Variants in ABHD2 observed in about 807,000 individuals in gnomAD.
ABHD2 encodes abhydrolase domain containing 2, acylglycerol lipase.
Under a neutral mutation model 48.1 loss-of-function variants are expected in ABHD2, and 20 were observed. The observed-to-expected ratio is 0.42, with a 90% CI of 0.29 to 0.60. The LOEUF (loss-of-function observed/expected upper bound fraction) is 0.60, where lower values mean the gene tolerates loss of function less well. Ranked by LOEUF, ABHD2 falls within the 20% of genes least tolerant of loss-of-function variation. The pLI is 0.24. For synonymous variants in ABHD2, 209 were observed against 214.2 expected, an observed-to-expected ratio of 0.98 and a Z score of 0.21; for missense variants, 405 against 550.9, an observed-to-expected ratio of 0.74 and a Z score of 2.65.
chr15:89,117,444 T>C (rs2049979589), intron 3 of ABHD2, among the ~76,000 whole-genome samples: 1 of 152,236 alleles, frequency 6.6e-6, no homozygotes, highest in Non-Finnish European at 1.5e-5. Context: ...AGAGATGCAG[T>C]GTTCACTTTT....
the ABHD2 span, among the ~76,000 whole-genome samples, chr15:89,057,439 GA>G: frequency 6.6e-6 from 1 of 152,220 alleles, no homozygotes; most frequent in African/African-American, 2.4e-5. Context: ...TGACCACTGG[GA>G]AGTTGGGGAC....
At chr15:89,128,765 G>A (rs145320983) in intron 3 of ABHD2, among the ~76,000 whole-genome samples, 8 of 152,242 alleles carry the variant, frequency 5.3e-5, no homozygotes, top group African/African-American at 1.7e-4. Flanking sequence ...CTGTTTGATT[G>A]TAGCAGAGAG....
Position 89,155,547 on chromosome 15 carries a change from A to G in ABHD2, c.538+13A>G, listed in dbSNP as rs563521593. ...ATGTTCACCTATGGTAAGCATGGCT[A>G]AGTGGAGTCCTCCCTTTTTCTGCAA... On this transcript the variant is annotated intron_variant, in intron 5 of 10. Coordinates refer to ENST00000352732, the MANE Select transcript of ABHD2 (RefSeq NM_152924.5). The surrounding 1 kb of genome is among the most constrained non-coding windows in gnomAD (Gnocchi z 4.9). 320 of 1,601,170 alleles carry G rather than the reference A, an allele frequency of 2.0e-4. 7 individuals carry two copies. In the South Asian group the frequency reaches 3.5e-3, roughly 17 times the overall value.
rs1412347200 is a variant in ABHD2 at position 89,186,975 on chromosome 15, T to G, written c.816-1218T>G. Among the ~76,000 whole-genome samples the G allele has an allele frequency of 6.6e-6, 1 of 152,234 alleles. No individual in the cohort carries two copies. The highest frequency in any genetic ancestry group is 1.5e-5 in the Non-Finnish European group (1 of 68,030). On this transcript the variant is annotated intron_variant, in intron 7 of 10. Coordinates refer to ENST00000352732, the MANE Select transcript of ABHD2 (RefSeq NM_152924.5). This position sits in a 1 kb window ranked among gnomAD's most constrained non-coding sequence, Gnocchi z 4.3. ...AGAGGGAGACTTATGTCCCCTGTGC[T>G]GGCTGGAAAATCAGCTGTTCCCACT...
At chr15:89,044,623 G>A in the ABHD2 span, among the ~76,000 whole-genome samples, 4 of 151,318 alleles carry the variant, frequency 2.6e-5, no homozygotes, top group African/African-American at 9.7e-5. Flanking sequence ...GTATCTCATT[G>A]TGGTTTTGAT....
At chr15:89,194,877 C>T (rs1159084213) in intron 10 of ABHD2, among the ~76,000 whole-genome samples, 1 of 152,182 alleles carries the variant, frequency 6.6e-6, no homozygotes, top group Non-Finnish European at 1.5e-5. Flanking sequence ...CACCTCCCAC[C>T]CCCAGAGATT....
chr15:89,170,574 G>A (rs2050909279), intron 5 of ABHD2, among the ~76,000 whole-genome samples: 1 of 152,100 alleles, frequency 6.6e-6, no homozygotes, highest in Non-Finnish European at 1.5e-5. Context: ...AGAATTACTA[G>A]ACCAAAGGTT....
the ABHD2 span, among the ~76,000 whole-genome samples, chr15:89,065,072 T>C: frequency 6.6e-6 from 1 of 152,180 alleles, no homozygotes; most frequent in Admixed American, 6.5e-5. Flanking sequence ...GTAAGTCTAC[T>C]GGATAAAAGA....
At chr15:89,161,648 A>G (rs2050764171) in intron 5 of ABHD2, among the ~76,000 whole-genome samples, 1 of 152,082 alleles carries the variant, frequency 6.6e-6, no homozygotes, top group Non-Finnish European at 1.5e-5. Context: ...TGATCCGCCC[A>G]CCTCGGCCTC....
chr15:89,180,059 T>C (rs2051082619), intron 6 of ABHD2, among the ~76,000 whole-genome samples: 1 of 152,252 alleles, frequency 6.6e-6, no homozygotes, highest in African/African-American at 2.4e-5. Flanking sequence ...TAAAATTTGT[T>C]TTTATAGTTG....
At chr15:89,192,831 G>A (rs1361392230) in intron 9 of ABHD2, among the ~76,000 whole-genome samples, 2 of 152,276 alleles carry the variant, frequency 1.3e-5, no homozygotes, top group African/African-American at 4.8e-5. Flanking sequence ...TTACAGGCAC[G>A]AACCACTGTG....
chr15:89,062,967 CTT>C, the ABHD2 span, among the ~76,000 whole-genome samples: 12 of 129,342 alleles, frequency 9.3e-5, no homozygotes, highest in African/African-American at 8.8e-5. Flanking sequence ...ATTGCTGCTG[CTT>C]TTTTTTTTTT....
the ABHD2 span, among the ~76,000 whole-genome samples, chr15:89,057,094 T>A: frequency 6.6e-6 from 1 of 151,996 alleles, no homozygotes; most frequent in South Asian, 2.1e-4. Context: ...TTTGTATTTT[T>A]AGTAGAAATG....
In ABHD2 at chr15:89,201,450, A is replaced by C. The variant is rs114400366; in HGVS notation, c.*6027A>C. On this transcript the variant is annotated 3_prime_UTR_variant, in exon 11 of 11. Transcript: ENST00000352732. ...ATCTCCATTTGGAATCCATTAATTC[A>C]TGAGGTTTTGCCTCATTCCACACAG... 1.4e-3 allele frequency: 1,922 copies of C among 1,389,338 alleles called. 26 individuals are homozygous for C. In the African/African-American group the frequency reaches 0.025, roughly 18 times the overall value. The allele number at this position is 1,389,338 out of a possible 1,614,324, so 86.1% of individuals were successfully genotyped here.
At chr15:89,061,776 G>C in the ABHD2 span, among the ~76,000 whole-genome samples, 1 of 152,088 alleles carries the variant, frequency 6.6e-6, no homozygotes. Flanking sequence ...GTTTTGCCAT[G>C]TTGCCCAGGC....
Position 89,176,010 on chromosome 15 carries a change from C to T in ABHD2, c.722+15C>T. On this transcript the variant is annotated intron_variant, in intron 6 of 10. Coordinates refer to ENST00000352732, the MANE Select transcript of ABHD2 (RefSeq NM_152924.5). The surrounding 1 kb of genome is among the most constrained non-coding windows in gnomAD (Gnocchi z 4.5). The stretch of plus-strand genomic sequence containing the variant: ...AGTGCACTGAGGTGAGTCATCTCCG[C>T]CTTCCATCAGGGCCTTCAGTTAGCC... 1.3e-6 allele frequency: 2 copies of T among 1,581,136 alleles called. No homozygotes were observed. Among genetic ancestry groups the T allele is most frequent in the South Asian group, 2.3e-5 (2 of 88,094 alleles).
At chr15:89,051,058 C>A in the ABHD2 span, among the ~76,000 whole-genome samples, 1 of 152,286 alleles carries the variant, frequency 6.6e-6, no homozygotes, top group East Asian at 1.9e-4. Flanking sequence ...CATGGCGAAA[C>A]CCCATCTCTA....
chr15:89,136,869 T>G (rs960233086), intron 3 of ABHD2, among the ~76,000 whole-genome samples: 13 of 152,208 alleles, frequency 8.5e-5, no homozygotes, highest in Non-Finnish European at 1.0e-4. Flanking sequence ...GGCACTGTGT[T>G]GGACAAAGAG....
chr15:89,108,816 A>G (rs1190482520), intron 1 of ABHD2, among the ~76,000 whole-genome samples: 5 of 152,362 alleles, frequency 3.3e-5, no homozygotes, highest in African/African-American at 1.2e-4. Context: ...CTGTGTAATC[A>G]TCTATGAAGT....
Sources: allele counts gnomAD v4.1 joint callset (sites outside exome capture counted in the v4.1 genomes callset), GRCh38; gene constraint gnomAD v4.1.1; non-coding constraint Gnocchi (gnomAD v3.1); transcripts MANE v1.5; gene names NCBI Gene and HGNC (gene_info 2026-07-23, HGNC 2026-07-21).